The following AQR variants were observed in gnomAD, a reference collection of about 807,000 sequenced individuals.
The protein encoded by AQR is RNA helicase aquarius.
In AQR, 61 loss-of-function variants were observed where a neutral mutation model predicts 180.5. The ratio of observed to expected loss-of-function variants is 0.34; its 90% CI spans 0.28 to 0.42. AQR has a LOEUF of 0.42. Ranked by LOEUF, AQR falls within the 10% of genes least tolerant of loss-of-function variation. The pLI is 1.00. For missense variants in AQR, 1,281 were observed against 1,798.3 expected (o/e 0.71, Z 5.20); for synonymous variants, 551 against 588.8 (o/e 0.94, Z 0.93).
intron 3 of AQR, 82 bp downstream of exon 3, chr15:34,960,692 T>C: frequency 1.6e-6 from 1 of 634,768 alleles, no homozygotes; most frequent in South Asian, 1.8e-5. Flanking sequence ...AGGGTTCAAG[T>C]TATGATCACA....
At chr15:34,909,917 A>G (rs1372433598) in intron 17 of AQR, among the ~76,000 whole-genome samples, 2 of 152,212 alleles carry the variant, frequency 1.3e-5, no homozygotes, top group Non-Finnish European at 2.9e-5. Context: ...TATACTTTTT[A>G]TTAAAGTATT....
In AQR at chr15:34,960,834, A is replaced by T; in HGVS notation, c.133-20T>A. 2 of 817,040 alleles carry T rather than the reference A, an allele frequency of 2.4e-6. No individual in the cohort carries two copies. The highest frequency in any genetic ancestry group is 3.8e-6 in the Non-Finnish European group (2 of 530,270). 50.6% of individuals were successfully genotyped at this position (817,040 alleles called of 1,614,324 possible). On this transcript the variant is annotated intron_variant, in intron 2 of 34. Coordinates refer to ENST00000156471, the MANE Select transcript of AQR (RefSeq NM_014691.3). ...AATAACCTGTTATAAAAATATAAAA[A>T]TGTTTAATATCTCAACAACTTTTTT...
chr15:34,959,497 G>A (rs570616984), intron 3 of AQR, among the ~76,000 whole-genome samples: 2 of 151,930 alleles, frequency 1.3e-5, no homozygotes, highest in Non-Finnish European at 2.9e-5. Context: ...TATACACCTG[G>A]ATATCCAACT....
intron 1 of AQR, among the ~76,000 whole-genome samples, chr15:34,964,785 C>T (rs1322268969): frequency 2.0e-5 from 3 of 150,990 alleles, no homozygotes; most frequent in Non-Finnish European, 4.4e-5. Flanking sequence ...TGTAGTCTAT[C>T]GGCTGCTTAT....
rs1279906475 is a variant in AQR at position 34,969,511 on chromosome 15, C to T, written c.75+28G>A. 3 of 1,612,638 alleles carry T rather than the reference C, an allele frequency of 1.9e-6. No homozygotes were observed. The African/African-American group carries it at 4.0e-5, about 22-fold the overall frequency. ...CGGGGCCACGACGTCCATACCCACTCACACACACCAGACTCGCCCGAGCTC... is the reference window on the plus strand; with the variant it reads ...CGGGGCCACGACGTCCATACCCACTTACACACACCAGACTCGCCCGAGCTC... On this transcript the variant is annotated intron_variant, in intron 1 of 34. Transcript: ENST00000156471.
intron 23 of AQR, among the ~76,000 whole-genome samples, chr15:34,891,231 C>T (rs1029842725): frequency 3.3e-5 from 5 of 152,132 alleles, no homozygotes; most frequent in Admixed American, 6.5e-5. Context: ...ATCCAAAACT[C>T]AGTACCCAAC....
At chr15:34,922,938 T>C (rs996777056) in intron 13 of AQR, among the ~76,000 whole-genome samples, 1 of 152,220 alleles carries the variant, frequency 6.6e-6, no homozygotes, top group Non-Finnish European at 1.5e-5. Context: ...CTACCTACTT[T>C]GGTCAAGTGT....
chr15:34,969,332 G>A (rs2050331183), intron 1 of AQR, among the ~76,000 whole-genome samples: 1 of 152,128 alleles, frequency 6.6e-6, no homozygotes, highest in South Asian at 2.1e-4. Context: ...ACTCCCCAGG[G>A]CAGGGCAGCT....
At chr15:34,900,140 G>A (rs576901707) in intron 20 of AQR, among the ~76,000 whole-genome samples, 23 of 152,164 alleles carry the variant, frequency 1.5e-4, no homozygotes, top group East Asian at 9.7e-4. Flanking sequence ...CAGTCCTCCC[G>A]CCTTAGCCTC....
chr15:34,966,163 A>G (rs913238575), intron 1 of AQR, among the ~76,000 whole-genome samples: 1 of 152,214 alleles, frequency 6.6e-6, no homozygotes, highest in Non-Finnish European at 1.5e-5. Context: ...GAAAGACAAA[A>G]AAGGAAATAA....
chr15:34,865,202 A>G (rs1279689433), intron 32 of AQR, among the ~76,000 whole-genome samples: 3 of 152,212 alleles, frequency 2.0e-5, no homozygotes, highest in African/African-American at 7.2e-5. Flanking sequence ...ACACTCTGAT[A>G]GAACCCCTAT....
At chr15:34,926,432 A>G (rs1893765563) in intron 13 of AQR, among the ~76,000 whole-genome samples, 7 of 152,178 alleles carry the variant, frequency 4.6e-5, no homozygotes. Context: ...CCGGGTTTAA[A>G]TTGTATCTCT....
At chr15:34,920,199 T>C in intron 14 of AQR, 133 bp downstream of exon 14, 4 of 618,136 alleles carry the variant, frequency 6.5e-6, no homozygotes, top group Non-Finnish European at 1.1e-5. Flanking sequence ...GATAATACAA[T>C]TCCAAAAACA....
chr15:34,855,476 G>A lies in AQR; in HGVS notation c.*1316C>T, dbSNP rs1023468529. The A allele has an allele frequency of 1.3e-5, 2 of 151,806 alleles. No individual in the cohort carries two copies. The highest frequency in any genetic ancestry group is 2.9e-5 in the Non-Finnish European group (2 of 67,986). 9.4% of individuals were successfully genotyped at this position (151,806 alleles called of 1,614,324 possible). On this transcript the variant is annotated 3_prime_UTR_variant, in exon 35 of 35. Coordinates refer to ENST00000156471, the MANE Select transcript of AQR (RefSeq NM_014691.3). ...ATACTCTAGCAGATGATCAAAATGG[G>A]AAATAGAGAACTAGTGGGCAATTTT...
intron 20 of AQR, among the ~76,000 whole-genome samples, chr15:34,899,563 T>C (rs1375954260): frequency 2.0e-5 from 3 of 151,348 alleles, no homozygotes; most frequent in African/African-American, 4.9e-5. Flanking sequence ...TTAATAGAGA[T>C]GAGGTCTCAG....
At chr15:34,885,325 T>A (rs1176344635) in intron 25 of AQR, among the ~76,000 whole-genome samples, 1 of 152,202 alleles carries the variant, frequency 6.6e-6, no homozygotes, top group East Asian at 1.9e-4. Flanking sequence ...CCAGTTACTA[T>A]GTAACCTCAA....
At chr15:34,927,640 T>C (rs1430018910) in intron 12 of AQR, among the ~76,000 whole-genome samples, 2 of 152,142 alleles carry the variant, frequency 1.3e-5, no homozygotes, top group Admixed American at 1.3e-4. Context: ...AAAACAGAAA[T>C]AGTAGTATTG....
At chr15:34,882,370 TA>T in intron 27 of AQR, 131 bp downstream of exon 27, 1 of 1,014,308 alleles carries the variant, frequency 9.9e-7, no homozygotes, top group Non-Finnish European at 1.3e-6. Context: ...ACTAATCATG[TA>T]AACAAGGGAT....
At chr15:34,930,235 A>C (rs987463952) in intron 12 of AQR, 23 bp downstream of exon 12, 8 of 1,424,340 alleles carry the variant, frequency 5.6e-6, no homozygotes, top group Non-Finnish European at 7.9e-6. Flanking sequence ...GAGCATACAC[A>C]GTCTATAATG....
Sources: allele counts gnomAD v4.1 joint callset (sites outside exome capture counted in the v4.1 genomes callset), GRCh38; gene constraint gnomAD v4.1.1; transcripts MANE v1.5; gene names NCBI Gene and HGNC (gene_info 2026-07-23, HGNC 2026-07-21).